Variants in CDH19 observed in about 807,000 individuals in gnomAD.
The protein encoded by CDH19 is cadherin-19.
In CDH19, 67 loss-of-function variants were observed where a neutral mutation model predicts 64.2. The observed-to-expected ratio is 1.04, with a 90% confidence interval of 0.86 to 1.28. The LOEUF (loss-of-function observed/expected upper bound fraction) is 1.28. Ranked by LOEUF, CDH19 falls within the 50% of genes most tolerant of loss-of-function variation. CDH19 has a pLI of 0.00. For missense variants in CDH19, 1,030 were observed against 929.0 expected (o/e 1.11, Z -1.41); for synonymous variants, 346 against 319.3 (o/e 1.08, Z -0.89).
chr18:66,538,502 T>C (rs1986762079), intron 7 of CDH19, among the ~76,000 whole-genome samples: 1 of 152,084 alleles, frequency 6.6e-6, no homozygotes, highest in Admixed American at 6.6e-5. Context: ...TTTATTTTTG[T>C]TTGTTCATTT....
intron 3 of CDH19, among the ~76,000 whole-genome samples, chr18:66,558,312 G>A (rs375152086): frequency 4.6e-5 from 7 of 151,370 alleles, no homozygotes; most frequent in African/African-American, 1.7e-4. Flanking sequence ...AGCAATGCTC[G>A]ATTTTTACAG....
intron 9 of CDH19, among the ~76,000 whole-genome samples, chr18:66,512,215 A>G (rs1985525202): frequency 6.6e-6 from 1 of 151,632 alleles, no homozygotes. Flanking sequence ...CCTTTGACCC[A>G]TAATGATTAT....
chr18:66,544,923 G>C lies in CDH19; in HGVS notation c.776-20C>G. On this transcript the variant is annotated intron_variant, in intron 5 of 11. Transcript: ENST00000262150. ...ATAAACCTTTAAAAACAAAATTGGA[G>C]GTATTTTGGATAAATACTTAATATA... The C allele has an allele frequency of 1.3e-6, 2 of 1,527,652 alleles. No homozygotes were observed. Among genetic ancestry groups the C allele is most frequent in the African/African-American group, 1.4e-5 (1 of 71,252 alleles). 94.6% of individuals were successfully genotyped at this position (1,527,652 alleles called of 1,614,324 possible).
intron 11 of CDH19, 151 bp downstream of exon 11, chr18:66,508,844 C>G: frequency 1.3e-6 from 1 of 797,972 alleles, no homozygotes; most frequent in Non-Finnish European, 1.9e-6. Flanking sequence ...GAGCAATAAA[C>G]GTACACACAG....
chr18:66,596,148 A>G (rs1343733294), intron 1 of CDH19: 1 of 152,110 alleles, frequency 6.6e-6, no homozygotes, highest in Admixed American at 6.5e-5. Flanking sequence ...AAAGGCATAA[A>G]AGGGACATAC....
At chr18:66,505,689 C>T (rs8090909) in intron 11 of CDH19, among the ~76,000 whole-genome samples, 6,869 of 150,944 alleles carry the variant, frequency 0.046, 376 homozygotes, top group East Asian at 0.14. Context: ...AACCTGAATG[C>T]GTTTGTCAAC....
chr18:66,506,890 C>T (rs1243308291), intron 11 of CDH19, among the ~76,000 whole-genome samples: 2 of 151,808 alleles, frequency 1.3e-5, no homozygotes, highest in Non-Finnish European at 1.5e-5. Context: ...ACCATATTTG[C>T]ATTCATGTAT....
chr18:66,512,376 G>T (rs1341621645), intron 9 of CDH19, among the ~76,000 whole-genome samples: 3 of 151,482 alleles, frequency 2.0e-5, no homozygotes, highest in Non-Finnish European at 4.4e-5. Flanking sequence ...TGTCGAAAAA[G>T]ATATGCTGTC....
chr18:66,576,850 A>G (rs1988281433), intron 1 of CDH19, among the ~76,000 whole-genome samples: 1 of 151,752 alleles, frequency 6.6e-6, no homozygotes, highest in Admixed American at 6.6e-5. Context: ...GGTAAAATCT[A>G]TAGGTAACTT....
At chr18:66,560,162 A>G (rs1212252555) in intron 3 of CDH19, among the ~76,000 whole-genome samples, 1 of 152,112 alleles carries the variant, frequency 6.6e-6, no homozygotes, top group Non-Finnish European at 1.5e-5. Context: ...CAGTAGTTGC[A>G]CTAATAACGA....
intron 1 of CDH19, among the ~76,000 whole-genome samples, chr18:66,576,750 A>G (rs1238714046): frequency 6.6e-6 from 1 of 151,654 alleles, no homozygotes; most frequent in Non-Finnish European, 1.5e-5. Flanking sequence ...AAGAAATGAG[A>G]AGCATCTAGA....
intron 1 of CDH19, among the ~76,000 whole-genome samples, chr18:66,580,705 AAAGTT>A (rs1260772165): frequency 6.6e-6 from 1 of 152,142 alleles, no homozygotes; most frequent in Non-Finnish European, 1.5e-5. Context: ...AATTCAATTT[AAAGTT>A]AAAAATCATC....
intron 3 of CDH19, among the ~76,000 whole-genome samples, chr18:66,555,155 T>A (rs1398545934): frequency 6.6e-6 from 1 of 151,914 alleles, no homozygotes; most frequent in Non-Finnish European, 1.5e-5. Flanking sequence ...TCATATGGAA[T>A]AATTATGTAT....
intron 3 of CDH19, among the ~76,000 whole-genome samples, 192 bp from the exon 4 acceptor site, chr18:66,554,716 C>T (rs561792006): frequency 1.3e-5 from 2 of 151,614 alleles, no homozygotes; most frequent in Middle Eastern, 3.4e-3. Context: ...AAGAATATAA[C>T]TTTTAATACA....
At chr18:66,524,062 G>A (rs1986111305) in intron 9 of CDH19, among the ~76,000 whole-genome samples, 1 of 152,130 alleles carries the variant, frequency 6.6e-6, no homozygotes, top group Admixed American at 6.5e-5. Flanking sequence ...AGCAATCAAA[G>A]ACTAACATGT....
chr18:66,575,264 T>A (rs1321450393), intron 1 of CDH19, among the ~76,000 whole-genome samples: 2 of 151,754 alleles, frequency 1.3e-5, no homozygotes, highest in Non-Finnish European at 2.9e-5. Flanking sequence ...GAAAAAGTAC[T>A]AAGTACATTG....
At chr18:66,537,487 A>G (rs1218197595) in intron 7 of CDH19, among the ~76,000 whole-genome samples, 3 of 152,000 alleles carry the variant, frequency 2.0e-5, no homozygotes, top group Admixed American at 6.6e-5. Flanking sequence ...GAGAACTCGA[A>G]TAGGTGATGA....
chr18:66,509,232 T>C lies in CDH19; in HGVS notation c.1591A>G (p.Ile531Val). The C allele has an allele frequency of 6.2e-7, 1 of 1,612,278 alleles. No homozygotes were observed. The highest frequency in any genetic ancestry group is 8.5e-7 in the Non-Finnish European group (1 of 1,178,914). ...IIDNQDNTAV[I>V]LTNRTGFNLQ... ...TTAAAACCAGTTCTATTAGTCAAAA[T>C]GACAGCTGTGTTATCTAAAACAAAA... The change falls in exon 11 of 12, where the codon ATT becomes GTT. Residue 531 changes from isoleucine (I) to valine (V), a missense_variant. Coordinates refer to ENST00000262150, the MANE Select transcript of CDH19 (RefSeq NM_021153.4).
chr18:66,592,951 T>G (rs1034460631), intron 1 of CDH19, among the ~76,000 whole-genome samples: 7 of 151,856 alleles, frequency 4.6e-5, no homozygotes, highest in Non-Finnish European at 1.5e-5. Flanking sequence ...TTCTATCTAG[T>G]TCTATTTTTA....
Sources: gnomAD v4.1 joint callset for allele counts (sites outside exome capture counted in the v4.1 genomes callset) on GRCh38, gnomAD v4.1.1 for gene constraint, MANE v1.5 for transcripts, NCBI Gene and HGNC (gene_info 2026-07-23, HGNC 2026-07-21) for gene names.